The following COL6A3 variants were observed in gnomAD, a reference collection of about 807,000 sequenced individuals.
The protein encoded by COL6A3 is collagen alpha-3(VI) chain.
A neutral mutation model predicts 274.1 loss-of-function variants in COL6A3; 137 were observed. The observed-to-expected ratio is 0.50, with a 90% CI of 0.44 to 0.58. The LOEUF (loss-of-function observed/expected upper bound fraction) is 0.58, where lower values mean the gene tolerates loss of function less well. COL6A3 is among the 20% of genes least tolerant of loss of function. COL6A3 has a pLI of 0.00. For synonymous variants in COL6A3, 1,650 were observed against 1,650.6 expected, an observed-to-expected ratio of 1.00 and a Z score of 0.01; for missense variants, 3,950 against 4,124.9, an observed-to-expected ratio of 0.96 and a Z score of 1.16.
chr2:237,332,064 T>C (rs1398210642), intron 42 of COL6A3, among the ~76,000 whole-genome samples: 1 of 88,968 alleles, frequency 1.1e-5, no homozygotes, highest in African/African-American at 4.1e-5. Flanking sequence ...TCTCTCTCTC[T>C]CTCTACATAT....
rs1333188288 is a variant in COL6A3, at chr2:237,407,519, G to A, written c.-31+6434C>T. ...CATCCCCTACCAATGCCCTCCCTCT[G>A]TGAATGAGAGCACCTGTAAGAATAT... On this transcript the variant is annotated intron_variant, in intron 1 of 43. Coordinates refer to ENST00000295550, the MANE Select transcript of COL6A3 (RefSeq NM_004369.4). The surrounding 1 kb of genome is among the most constrained non-coding windows in gnomAD (Gnocchi z 4.3). Among the ~76,000 whole-genome samples, 2 of 152,222 alleles carry A rather than the reference G, an allele frequency of 1.3e-5. No individual in the cohort carries two copies. Among genetic ancestry groups the A allele is most frequent in the East Asian group, 3.8e-4 (2 of 5,196 alleles).
rs770171985 is a variant in COL6A3, at chr2:237,387,557, C to A, written c.1312+25G>T. The A allele has an allele frequency of 3.7e-6, 6 of 1,613,814 alleles. No homozygotes were observed. The South Asian group carries it at 5.5e-5, about 15-fold the overall frequency. ...ACACACACAACACCCCACTCCCACA[C>A]AGATGGTGAGAAGAGGATACATACC... On this transcript the variant is annotated intron_variant, in intron 4 of 43. Coordinates refer to ENST00000295550, the MANE Select transcript of COL6A3 (RefSeq NM_004369.4).
rs766551222 is a variant in COL6A3, at chr2:237,336,239, G to T, written c.8861C>A (p.Pro2954His). The change falls in exon 40 of 44, where the codon CCC becomes CAC. Residue 2954 changes from proline (P) to histidine (H), a missense_variant. By Grantham distance (77) the Pro-to-His change is moderately conservative (BLOSUM62 -2). Coordinates refer to ENST00000295550, the MANE Select transcript of COL6A3 (RefSeq NM_004369.4). ...TGGTTTTGCAGCAGCAGCAGCGGGG[G>T]GTCTTACAGCTGCTGGCTTTGCTGC... ...PVAAKPAAVR[P>H]PAAAAAKPVA... The T allele has an allele frequency of 6.2e-7, 1 of 1,614,018 alleles. No individual in the cohort carries two copies. The highest frequency in any genetic ancestry group is 8.5e-7 in the Non-Finnish European group (1 of 1,179,964).
In COL6A3 at chr2:237,381,802, A is replaced by G. The variant is rs115886960; in HGVS notation, c.1313-303T>C. ...TTTGTATGCTGTCACTGAAAATTCA[A>G]TAAGTTCTCTTCTGCCGTAAATACA... On this transcript the variant is annotated intron_variant, in intron 4 of 43. Coordinates refer to ENST00000295550, the MANE Select transcript of COL6A3 (RefSeq NM_004369.4). Among the ~76,000 whole-genome samples, 4,531 of 152,262 alleles carry G rather than the reference A, an allele frequency of 0.03. 212 individuals carry two copies. The highest frequency in any genetic ancestry group is 0.1 in the African/African-American group (4,338 of 41,528).
Position 237,336,274 on chromosome 2 carries a change from C to A in COL6A3, c.8826G>T (p.Ala2942=). ...CTGCTGGCTTTGCTGCTACAGGCTT[C>A]GCTGCCGTTGCTGGCTTCACCGCCA... ...PPVAVKPATA[A]KPVAAKPAAV... is the part of the protein sequence containing the mutation. The change falls in exon 40 of 44, where the codon GCG becomes GCT. Residue 2942 remains alanine (A), a synonymous_variant. Transcript: ENST00000295550. The A allele has an allele frequency of 6.2e-7, 1 of 1,614,012 alleles. No homozygotes were observed. Among genetic ancestry groups the A allele is most frequent in the South Asian group, 1.1e-5 (1 of 91,086 alleles).
intron 30 of COL6A3, 142 bp downstream of exon 30, chr2:237,348,207 A>C: frequency 1.3e-6 from 1 of 781,256 alleles, no homozygotes; most frequent in Non-Finnish European, 2.3e-6. Flanking sequence ...ATTTTAGGGA[A>C]GGAAGGGTCT....
chr2:237,371,513 G>T lies in COL6A3; in HGVS notation c.4285+219C>A. Reference sequence around the variant, plus strand: ...CTGAGGAGGCTGAAGTGGGAGGTTGGCTGGATCCCAGAAGGCAGAGGTTAA... The same window carrying T: ...CTGAGGAGGCTGAAGTGGGAGGTTGTCTGGATCCCAGAAGGCAGAGGTTAA... On this transcript the variant is annotated intron_variant, in intron 9 of 43. Transcript: ENST00000295550. The surrounding 1 kb of genome is among the most constrained non-coding windows in gnomAD (Gnocchi z 4.3). 3 of 1,006,654 alleles carry T rather than the reference G, an allele frequency of 3.0e-6. No individual in the cohort carries two copies. The highest frequency in any genetic ancestry group is 2.7e-6 in the Non-Finnish European group (2 of 741,272). 62.4% of individuals were successfully genotyped at this position (1,006,654 alleles called of 1,614,324 possible).
At chr2:237,357,723 C>T (rs1198236323) in intron 22 of COL6A3, 94 bp downstream of exon 22, 12 of 1,282,898 alleles carry the variant, frequency 9.4e-6, no homozygotes, top group African/African-American at 4.4e-5. Context: ...TTAAAGGCCA[C>T]GTCTTTGGCC....
In COL6A3 at chr2:237,368,824, C is replaced by T; in HGVS notation, c.4639G>A (p.Val1547Ile). 1 of 1,614,214 alleles carries T rather than the reference C, an allele frequency of 6.2e-7. No individual in the cohort carries two copies. The highest frequency in any genetic ancestry group is 8.5e-7 in the Non-Finnish European group (1 of 1,180,050). ...EDGVPQHLVL[V>I]LGGKSQDDVS... The stretch of plus-strand genomic sequence containing the variant: ...TCGTCCTGGGATTTTCCACCCAGGA[C>T]CAGGACCAGGTGTTGGGGCACCCCG... Residue 1547 changes from valine (V) to isoleucine (I), a missense_variant, in exon 10 of 44, where the codon GTC (valine) becomes ATC (isoleucine). Physicochemically the swap from Val to Ile is conservative, Grantham distance 29. Coordinates refer to ENST00000295550, the MANE Select transcript of COL6A3 (RefSeq NM_004369.4). The surrounding 1 kb of genome is among the most constrained non-coding windows in gnomAD (Gnocchi z 4.4).
Position 237,365,952 on chromosome 2 carries a change from C to A in COL6A3, c.5584G>T (p.Val1862Leu). The A allele has an allele frequency of 6.2e-7, 1 of 1,614,116 alleles. No individual in the cohort carries two copies. The highest frequency in any genetic ancestry group is 8.5e-7 in the Non-Finnish European group (1 of 1,180,028). The change falls in exon 12 of 44, where the codon GTG becomes TTG. Residue 1862 changes from valine (V) to leucine (L), a missense_variant. Coordinates refer to ENST00000295550, the MANE Select transcript of COL6A3 (RefSeq NM_004369.4). ...CTGATTCTGTTCAAGATGGCGTCCA[C>A]CTTGGACTCGAAGCCCTTCTGGGCC... The part of the protein sequence containing the change: ...FVAQKGFESK[V>L]DAILNRISQM...
At chr2:237,363,174 A>G in intron 14 of COL6A3, 79 bp downstream of exon 14, 2 of 1,380,330 alleles carry the variant, frequency 1.4e-6, no homozygotes, top group Non-Finnish European at 2.0e-6. Context: ...ACCTGCTGAT[A>G]ATTAACTTCA....
At position 237,364,672 on chromosome 2, in the gene COL6A3, T is replaced by C. The variant is rs1202425805; in HGVS notation, c.5839-244A>G. The stretch of plus-strand genomic sequence containing the variant: ...AAGCAGCAATGACAATAAAAACAAT[T>C]TTTATCTCATTCTCATATTTCTAAG... On this transcript the variant is annotated intron_variant, in intron 12 of 43. Transcript: ENST00000295550. The surrounding 1 kb of genome is among the most constrained non-coding windows in gnomAD (Gnocchi z 4.6). Among the ~76,000 whole-genome samples, 1 of 152,094 alleles carries C rather than the reference T, an allele frequency of 6.6e-6. No homozygotes were observed. Among genetic ancestry groups the C allele is most frequent in the Non-Finnish European group, 1.5e-5 (1 of 68,014 alleles).
chr2:237,380,016 T>C (rs918595962), intron 5 of COL6A3, among the ~76,000 whole-genome samples: 5 of 152,280 alleles, frequency 3.3e-5, no homozygotes, highest in Non-Finnish European at 5.9e-5. Context: ...TTTTATTTTT[T>C]ATTTCTTCCC....
intron 3 of COL6A3, among the ~76,000 whole-genome samples, chr2:237,388,543 C>T (rs2078211265): frequency 1.3e-5 from 2 of 152,066 alleles, no homozygotes; most frequent in South Asian, 4.1e-4. Context: ...ATGAATTGTC[C>T]ACTACCAAAC....
chr2:237,410,182 C>T (rs957545757), intron 1 of COL6A3, among the ~76,000 whole-genome samples: 1 of 152,126 alleles, frequency 6.6e-6, no homozygotes, highest in Non-Finnish European at 1.5e-5. Flanking sequence ...AGACTCCAGG[C>T]ACCACTTCAG....
chr2:237,397,052 T>TAGATAGATAGAC (rs1302418501), intron 1 of COL6A3, among the ~76,000 whole-genome samples: 2 of 149,280 alleles, frequency 1.3e-5, no homozygotes, highest in African/African-American at 2.5e-5. Context: ...GATAGATAGA[T>TAGATAGATAGAC]AGATAAAAAT....
intron 1 of COL6A3, among the ~76,000 whole-genome samples, chr2:237,408,175 A>G (rs1417857693): frequency 6.6e-6 from 1 of 152,046 alleles, no homozygotes; most frequent in Non-Finnish European, 1.5e-5. Context: ...TCAAAAATCA[A>G]GTTGGAACAT....
intron 1 of COL6A3, among the ~76,000 whole-genome samples, chr2:237,400,379 A>C (rs902817957): frequency 6.6e-6 from 1 of 152,224 alleles, no homozygotes; most frequent in Admixed American, 6.5e-5. Flanking sequence ...GAAGAAAGCA[A>C]GGGGAAATGA....
intron 14 of COL6A3, 142 bp downstream of exon 14, chr2:237,363,111 A>G: frequency 3.4e-6 from 3 of 871,586 alleles, no homozygotes; most frequent in Middle Eastern, 3.4e-4. Context: ...GCAGTTCCCA[A>G]GTGAATTAAA....
Sources: allele counts gnomAD v4.1 joint callset (sites outside exome capture counted in the v4.1 genomes callset), GRCh38; gene constraint gnomAD v4.1.1; non-coding constraint Gnocchi (gnomAD v3.1); transcripts MANE v1.5; gene names NCBI Gene and HGNC (gene_info 2026-07-23, HGNC 2026-07-21).